Variants in RBFOX1 observed in about 807,000 individuals in gnomAD.
RBFOX1 encodes RNA binding protein fox-1 homolog 1.
RBFOX1 carries 8 observed loss-of-function variants against 57.7 expected under a neutral mutation model. That is an observed-to-expected ratio of 0.14 (90% CI 0.08 to 0.25). The LOEUF (loss-of-function observed/expected upper bound fraction) is 0.25, where lower values mean the gene tolerates loss of function less well. RBFOX1 is among the 10% of genes least tolerant of loss of function. The pLI, the probability that RBFOX1 is intolerant of heterozygous loss-of-function variation, is 1.00. For missense variants in RBFOX1, 611 were observed against 548.5 expected (o/e 1.11, Z -1.14); for synonymous variants, 326 against 222.4 (o/e 1.47, Z -4.15).
chr16:7,104,966 C>T (rs1818777267), intron 4 of RBFOX1, among the ~76,000 whole-genome samples: 2 of 152,080 alleles, frequency 1.3e-5, no homozygotes, highest in Admixed American at 1.3e-4. Flanking sequence ...TGCTTCTGTG[C>T]TTGTGTGTGT....
chr16:7,223,791 G>C (rs1164845870), intron 4 of RBFOX1, among the ~76,000 whole-genome samples: 1 of 148,812 alleles, frequency 6.7e-6, no homozygotes, highest in Non-Finnish European at 1.5e-5. Flanking sequence ...ATTTCTGTCT[G>C]ATAGAAATGG....
intron 3 of RBFOX1, among the ~76,000 whole-genome samples, chr16:6,670,403 T>C (rs1482656883): frequency 2.0e-5 from 3 of 152,164 alleles, no homozygotes; most frequent in Non-Finnish European, 2.9e-5. Flanking sequence ...TCTATTCAGA[T>C]TGAGTTTTCA....
At chr16:6,015,587 A>G, upstream of RBFOX1, among the ~76,000 whole-genome samples, 1 of 152,252 alleles carries the variant, frequency 6.6e-6, no homozygotes, top group African/African-American at 2.4e-5. Context: ...CCAGCCCCTT[A>G]ACTTCAACAG....
chr16:6,479,086 CTGTG>C (rs141581910), intron 2 of RBFOX1, among the ~76,000 whole-genome samples: 1 of 151,448 alleles, frequency 6.6e-6, no homozygotes, highest in Non-Finnish European at 1.5e-5. Flanking sequence ...TGAGGTATGC[CTGTG>C]TGTGTGTGTG....
At chr16:6,408,418 A>G (rs528268465) in intron 2 of RBFOX1, among the ~76,000 whole-genome samples, 2 of 152,196 alleles carry the variant, frequency 1.3e-5, no homozygotes, top group South Asian at 4.2e-4. Flanking sequence ...AGTGTTTTTT[A>G]ATAGACTGAA....
At chr16:6,061,003 A>T (rs2095678506) in intron 1 of RBFOX1, among the ~76,000 whole-genome samples, 1 of 152,154 alleles carries the variant, frequency 6.6e-6, no homozygotes, top group Admixed American at 6.5e-5. Flanking sequence ...ATTTACAGTT[A>T]CTGAGGACAG....
intron 2 of RBFOX1, among the ~76,000 whole-genome samples, chr16:6,642,324 A>G (rs189096985): frequency 5.5e-4 from 84 of 152,302 alleles, no homozygotes; most frequent in African/African-American, 1.9e-3. Context: ...TAATGTGGGT[A>G]ATTACTTTTA....
intron 4 of RBFOX1, among the ~76,000 whole-genome samples, chr16:5,884,220 T>C (rs1485208245): frequency 6.6e-6 from 1 of 152,148 alleles, no homozygotes; most frequent in Non-Finnish European, 1.5e-5. Flanking sequence ...AGATGATAAC[T>C]CCCCCATAGA....
At chr16:5,815,943 T>C (rs1268417698) in intron 3 of RBFOX1, among the ~76,000 whole-genome samples, 1 of 152,112 alleles carries the variant, frequency 6.6e-6, no homozygotes, top group African/African-American at 2.4e-5. Context: ...GGTATTACAA[T>C]TGGTTAAAAT....
intron 4 of RBFOX1, among the ~76,000 whole-genome samples, chr16:7,486,281 G>A (rs2065366859): frequency 6.6e-6 from 1 of 151,222 alleles, no homozygotes; most frequent in Non-Finnish European, 1.5e-5. Context: ...CTGAGAACCT[G>A]CCACCACGCC....
chr16:6,641,314 C>G (rs2098485700), intron 2 of RBFOX1, among the ~76,000 whole-genome samples: 1 of 152,136 alleles, frequency 6.6e-6, no homozygotes, highest in African/African-American at 2.4e-5. Context: ...CACGGTTCAA[C>G]CAAGGCGTTC....
intron 1 of RBFOX1, among the ~76,000 whole-genome samples, chr16:5,463,906 C>G (rs1388687488): frequency 6.6e-6 from 1 of 152,082 alleles, no homozygotes; most frequent in African/African-American, 2.4e-5. Context: ...AACAAATTTG[C>G]TTTCAGCCAA....
intron 3 of RBFOX1, among the ~76,000 whole-genome samples, chr16:6,682,183 G>C (rs78034254): frequency 0.056 from 8,523 of 152,218 alleles, 351 homozygotes; most frequent in Middle Eastern, 0.12. Flanking sequence ...TTGTGCCCAA[G>C]GATTAGGGCA....
intron 3 of RBFOX1, among the ~76,000 whole-genome samples, chr16:6,729,423 C>A (rs112952927): frequency 6.6e-6 from 1 of 152,130 alleles, no homozygotes; most frequent in African/African-American, 2.4e-5. Context: ...GTCTTACAGG[C>A]GTTCTGACGG....
intron 1 of RBFOX1, among the ~76,000 whole-genome samples, chr16:6,245,029 A>G (rs571746151): frequency 1.3e-5 from 2 of 152,268 alleles, no homozygotes; most frequent in South Asian, 4.1e-4. Context: ...ACCAATTAAT[A>G]TTAATATTCT....
At chr16:5,714,603 T>C (rs748613196) in intron 3 of RBFOX1, among the ~76,000 whole-genome samples, 4 of 152,228 alleles carry the variant, frequency 2.6e-5, no homozygotes, top group Non-Finnish European at 5.9e-5. Context: ...TATACAGCAT[T>C]ACTGTGGCAA....
chr16:6,966,898 TC>T (rs1446491658), intron 3 of RBFOX1, among the ~76,000 whole-genome samples: 2 of 10,914 alleles, frequency 1.8e-4, no homozygotes, highest in African/African-American at 7.8e-4. Flanking sequence ...CATCTCTCCA[TC>T]CATCCATCCA....
chr16:6,233,206 G>A (rs1342115441), intron 1 of RBFOX1, among the ~76,000 whole-genome samples: 2 of 152,150 alleles, frequency 1.3e-5, no homozygotes, highest in Non-Finnish European at 1.5e-5. Flanking sequence ...TTCACTTGCC[G>A]TCAGTGGCAT....
intron 2 of RBFOX1, among the ~76,000 whole-genome samples, chr16:6,536,557 G>GT (rs55730249): frequency 0.45 from 67,714 of 149,716 alleles, 15,704 homozygotes; most frequent in Non-Finnish European, 0.52. Flanking sequence ...GGCCCAGGAG[G>GT]TTTTTTTTTT....
Sources: allele counts gnomAD v4.1 joint callset (sites outside exome capture counted in the v4.1 genomes callset), GRCh38; gene constraint gnomAD v4.1.1; transcripts MANE v1.5; gene names NCBI Gene and HGNC (gene_info 2026-07-23, HGNC 2026-07-21).